The following KCNJ1 variants were observed in gnomAD, a reference collection of about 807,000 sequenced individuals.
KCNJ1 encodes potassium inwardly rectifying channel subfamily J member 1.
KCNJ1 carries 24 observed loss-of-function variants against 21.9 expected under a neutral mutation model. The ratio of observed to expected loss-of-function variants is 1.10; its 90% CI spans 0.79 to 1.54. The LOEUF is 1.54. Among genes scored for constraint, KCNJ1 ranks in the 40% most tolerant of loss-of-function variants. The pLI is 0.00. For missense variants in KCNJ1, 457 were observed against 455.4 expected, an observed-to-expected ratio of 1.00 and a Z score of -0.03; for synonymous variants, 152 against 160.9, an observed-to-expected ratio of 0.94 and a Z score of 0.42.
intron 1 of KCNJ1, among the ~76,000 whole-genome samples, chr11:128,856,378 C>T (rs1279747724): frequency 5.3e-5 from 8 of 152,236 alleles, no homozygotes; most frequent in African/African-American, 1.9e-4. Context: ...TGGCGTGATC[C>T]TTTCTCTGGA....
chr11:128,847,938 G>T (rs1024985903), intron 2 of KCNJ1, among the ~76,000 whole-genome samples: 1 of 151,456 alleles, frequency 6.6e-6, no homozygotes, highest in African/African-American at 2.4e-5. Context: ...GTGCAATCAC[G>T]GCTCACTGCA....
At chr11:128,857,461 T>A (rs1040218459) in intron 1 of KCNJ1, among the ~76,000 whole-genome samples, 5 of 152,184 alleles carry the variant, frequency 3.3e-5, no homozygotes, top group African/African-American at 1.2e-4. Context: ...GGACCCACAG[T>A]AGAGACTCTA....
chr11:128,861,867 G>T (rs180869955), intron 1 of KCNJ1, among the ~76,000 whole-genome samples: 132 of 152,246 alleles, frequency 8.7e-4, no homozygotes, highest in African/African-American at 2.9e-3. Flanking sequence ...AACGGGTGAG[G>T]TTGAAGTCTA....
intron 1 of KCNJ1, among the ~76,000 whole-genome samples, chr11:128,856,233 GC>G (rs1306751473): frequency 6.6e-6 from 1 of 152,162 alleles, no homozygotes; most frequent in Non-Finnish European, 1.5e-5. Context: ...GAAAAAGATT[GC>G]CCATGGAATG....
intron 1 of KCNJ1, among the ~76,000 whole-genome samples, chr11:128,862,258 T>G (rs1943728291): frequency 6.6e-6 from 1 of 152,206 alleles, no homozygotes; most frequent in African/African-American, 2.4e-5. Context: ...CTCCACTCTC[T>G]GGCAGCCTCC....
chr11:128,851,079 C>G (rs1258347550), intron 1 of KCNJ1, among the ~76,000 whole-genome samples, 189 bp from the exon 2 acceptor site: 1 of 152,202 alleles, frequency 6.6e-6, no homozygotes, highest in Non-Finnish European at 1.5e-5. Flanking sequence ...CTACCACACA[C>G]TGAGGCCACA....
At chr11:128,843,810 A>G (rs745510582) in intron 2 of KCNJ1, among the ~76,000 whole-genome samples, 11 of 152,232 alleles carry the variant, frequency 7.2e-5, no homozygotes, top group Admixed American at 2.6e-4. Flanking sequence ...TTGATACCCA[A>G]TGTTGACTGT....
chr11:128,839,020 G>T lies in KCNJ1; in HGVS notation c.*105C>A. 1.0e-6 allele frequency: 1 copy of T among 983,404 alleles called. No homozygotes were observed. The highest frequency in any genetic ancestry group is 1.6e-6 in the Non-Finnish European group (1 of 639,184). 60.9% of individuals were successfully genotyped at this position (983,404 alleles called of 1,614,324 possible). A position where few individuals can be genotyped will look rare whatever the true frequency, so the allele number is the denominator to read the frequency against. On this transcript the variant is annotated 3_prime_UTR_variant, in exon 3 of 3. Transcript: ENST00000392666. ...GGTCTTTGTGCTGGTAGACTTTGAA[G>T]GCTCTCATCCTACTTTCGTACCCCT...
At chr11:128,853,103 C>G (rs181700344) in intron 1 of KCNJ1, among the ~76,000 whole-genome samples, 200 of 152,348 alleles carry the variant, frequency 1.3e-3, no homozygotes, top group Non-Finnish European at 1.4e-3. Context: ...GTCTCAAAGA[C>G]GTTCCTTAAC....
At chr11:128,842,669 A>G in intron 2 of KCNJ1, 1 of 640,880 alleles carries the variant, frequency 1.6e-6, no homozygotes, top group East Asian at 3.3e-5. Flanking sequence ...CCAACATGCT[A>G]AGACATGACA....
At position 128,863,333 on chromosome 11, in the gene KCNJ1, G is replaced by C. The variant is rs566117617; in HGVS notation, c.-192+3840C>G. ...CTAAATAAATGGAAAAATCTGGCTT[G>C]TATTTCAAGGATTATTCAAAAAGAA... On this transcript the variant is annotated intron_variant, in intron 1 of 2. Transcript: ENST00000392666. 4.6e-5 allele frequency among the ~76,000 whole-genome samples: 7 copies of C among 152,310 alleles called. No individual in the cohort carries two copies. In the South Asian group the frequency reaches 1.4e-3, roughly 32 times the overall value.
chr11:128,859,512 G>C (rs1943658883), intron 1 of KCNJ1, among the ~76,000 whole-genome samples: 1 of 152,226 alleles, frequency 6.6e-6, no homozygotes, highest in Admixed American at 6.5e-5. Flanking sequence ...GCCTCCCAAA[G>C]TGCTGGGATT....
chr11:128,853,975 T>G (rs1943529352), intron 1 of KCNJ1, among the ~76,000 whole-genome samples: 1 of 152,238 alleles, frequency 6.6e-6, no homozygotes, highest in African/African-American at 2.4e-5. Flanking sequence ...CAGGAGAAGC[T>G]CTTCCCTGCT....
intron 2 of KCNJ1, among the ~76,000 whole-genome samples, chr11:128,849,827 A>G (rs1167695866): frequency 6.6e-6 from 1 of 152,142 alleles, no homozygotes; most frequent in Non-Finnish European, 1.5e-5. Context: ...TACTTCTTCT[A>G]TAGGCAGAAG....
chr11:128,841,940 T>C lies in KCNJ1; in HGVS notation c.-21-1676A>G, dbSNP rs114597214. Among the ~76,000 whole-genome samples the C allele has an allele frequency of 2.8e-3, 419 of 152,308 alleles. 4 individuals are homozygous for C. Among genetic ancestry groups the C allele is most frequent in the African/African-American group, 9.6e-3 (399 of 41,568 alleles). Reference sequence around the variant, plus strand: ...CCAGTGAGGATTAGGGGATGGTGCATGTGAGGTACAGAGAAGGAAATGGTC... The same window carrying C: ...CCAGTGAGGATTAGGGGATGGTGCACGTGAGGTACAGAGAAGGAAATGGTC... On this transcript the variant is annotated intron_variant, in intron 2 of 2. Coordinates refer to ENST00000392666, the MANE Select transcript of KCNJ1 (RefSeq NM_153766.3).
At chr11:128,847,741 G>C (rs1237737) in intron 2 of KCNJ1, among the ~76,000 whole-genome samples, 1 of 152,076 alleles carries the variant, frequency 6.6e-6, no homozygotes, top group Non-Finnish European at 1.5e-5. Context: ...AACCCGGGCA[G>C]GGTGTTTGTG....
chr11:128,839,458 C>T lies in KCNJ1; in HGVS notation c.786G>A (p.Met262Ile). The T allele has an allele frequency of 6.2e-7, 1 of 1,614,132 alleles. No individual in the cohort carries two copies. The highest frequency in any genetic ancestry group is 8.5e-7 in the Non-Finnish European group (1 of 1,180,008). ...CCTGCTGGAGAAGGGTCTCCGCTGC[C>T]ATGTGGAAGAAAGGGCTGTTGTGAT... The part of the protein sequence containing the change: ...VIDHNSPFFH[M>I]AAETLLQQDF... The change falls in exon 3 of 3, where the codon ATG becomes ATA. Residue 262 changes from methionine (M) to isoleucine (I), a missense_variant. Physicochemically the swap from Met to Ile is conservative, Grantham distance 10. Coordinates refer to ENST00000392666, the MANE Select transcript of KCNJ1 (RefSeq NM_153766.3).
Position 128,839,051 on chromosome 11 carries a change from G to T in KCNJ1, c.*74C>A. On this transcript the variant is annotated 3_prime_UTR_variant, in exon 3 of 3. Transcript: ENST00000392666. Reference sequence around the variant, plus strand: ...CATCCTACTTTCGTACCCCTAAATTGTTGACTGCTTCATAATGCTTCTAGG... The same window carrying T: ...CATCCTACTTTCGTACCCCTAAATTTTTGACTGCTTCATAATGCTTCTAGG... 7.2e-7 allele frequency: 1 copy of T among 1,390,384 alleles called. No homozygotes were observed. The highest frequency in any genetic ancestry group is 1.0e-6 in the Non-Finnish European group (1 of 991,890). 86.1% of individuals were successfully genotyped at this position (1,390,384 alleles called of 1,614,324 possible).
chr11:128,849,322 T>C (rs978260992), intron 2 of KCNJ1, among the ~76,000 whole-genome samples: 5 of 152,242 alleles, frequency 3.3e-5, no homozygotes, highest in African/African-American at 1.2e-4. Flanking sequence ...AAAGTAAATA[T>C]TTATTCAGCA....
Sources: gnomAD v4.1 joint callset for allele counts (sites outside exome capture counted in the v4.1 genomes callset) on GRCh38, gnomAD v4.1.1 for gene constraint, MANE v1.5 for transcripts, NCBI Gene and HGNC (gene_info 2026-07-23, HGNC 2026-07-21) for gene names.